The following DSCAM variants were observed in gnomAD, a reference collection of about 807,000 sequenced individuals.
DSCAM encodes DS cell adhesion molecule, also known as cell adhesion molecule DSCAM.
A neutral mutation model predicts 217.7 loss-of-function variants in DSCAM; 47 were observed. The observed-to-expected ratio is 0.22, with a 90% confidence interval of 0.17 to 0.28. The LOEUF is 0.28. DSCAM is among the 10% of genes least tolerant of loss of function. The pLI is 1.00. For missense variants in DSCAM, 2,080 were observed against 2,618.3 expected (o/e 0.79, Z 4.49); for synonymous variants, 1,056 against 1,015.3 (o/e 1.04, Z -0.76).
chr21:40,500,065 C>A (rs763129402), intron 3 of DSCAM, among the ~76,000 whole-genome samples: 1 of 152,106 alleles, frequency 6.6e-6, no homozygotes, highest in Non-Finnish European at 1.5e-5. Context: ...AGGCGTCAGG[C>A]GTGAGCCACT....
chr21:40,406,887 G>A (rs1476917021), intron 3 of DSCAM, among the ~76,000 whole-genome samples: 1 of 152,084 alleles, frequency 6.6e-6, no homozygotes, highest in Non-Finnish European at 1.5e-5. Context: ...CCAGAATTCT[G>A]GGATTACATA....
At chr21:40,578,981 G>T (rs1043012178) in intron 3 of DSCAM, among the ~76,000 whole-genome samples, 1 of 152,206 alleles carries the variant, frequency 6.6e-6, no homozygotes, top group Non-Finnish European at 1.5e-5. Context: ...GATGTAAATT[G>T]AAACCCACAT....
rs915604540 is a variant in DSCAM at position 40,296,297 on chromosome 21, G to A, written c.2063-123C>T. ...TATGAAGACTGTTTCATACACATGG[G>A]ACAATAAAAACACTATTGGCAGTTT... On this transcript the variant is annotated intron_variant, in intron 9 of 32. Transcript: ENST00000400454. 1.6e-5 allele frequency: 19 copies of A among 1,195,200 alleles called. No individual in the cohort carries two copies. The African/African-American group carries it at 3.0e-4, about 19-fold the overall frequency. The allele number at this position is 1,195,200 out of a possible 1,614,324, so 74.0% of individuals were successfully genotyped here. A position where few individuals can be genotyped will look rare whatever the true frequency, so the allele number is the denominator to read the frequency against.
At chr21:40,646,650 T>C (rs890168458) in intron 3 of DSCAM, among the ~76,000 whole-genome samples, 2 of 152,236 alleles carry the variant, frequency 1.3e-5, no homozygotes, top group African/African-American at 4.8e-5. Context: ...GAAGAGTGGC[T>C]GGCAGAAAGG....
intron 11 of DSCAM, among the ~76,000 whole-genome samples, chr21:40,256,404 C>CAGAG (rs148333628): frequency 0.018 from 2,603 of 147,658 alleles, 106 homozygotes; most frequent in East Asian, 0.12. Flanking sequence ...GAGAGACAGA[C>CAGAG]AGAGAGAGAG....
At chr21:40,592,635 C>G (rs754934658) in intron 3 of DSCAM, among the ~76,000 whole-genome samples, 13 of 152,132 alleles carry the variant, frequency 8.5e-5, no homozygotes, top group Admixed American at 2.0e-4. Context: ...CTTCTGGCTT[C>G]TTCCTTCACA....
intron 20 of DSCAM, among the ~76,000 whole-genome samples, chr21:40,103,891 A>G (rs1171851234): frequency 1.3e-5 from 2 of 151,646 alleles, no homozygotes; most frequent in African/African-American, 2.4e-5. Context: ...ACTATTGGCT[A>G]CTTTTAAAAA....
intron 1 of DSCAM, among the ~76,000 whole-genome samples, chr21:40,765,795 C>A (rs1489042416): frequency 2.6e-5 from 4 of 152,224 alleles, no homozygotes; most frequent in African/African-American, 9.6e-5. Context: ...ATTGCATGAT[C>A]AGCGATCAGT....
chr21:40,374,204 GA>G (rs1247976094), intron 3 of DSCAM, among the ~76,000 whole-genome samples: 4 of 152,020 alleles, frequency 2.6e-5, no homozygotes, highest in East Asian at 1.9e-4. Flanking sequence ...CTTTTCAATT[GA>G]AAAAAATATT....
chr21:40,045,644 T>C (rs185342645), intron 30 of DSCAM, among the ~76,000 whole-genome samples: 1 of 152,320 alleles, frequency 6.6e-6, no homozygotes, highest in East Asian at 1.9e-4. Flanking sequence ...TGGAGACAGC[T>C]TAAGGTCCTA....
At chr21:40,460,761 T>C (rs1042056577) in intron 3 of DSCAM, among the ~76,000 whole-genome samples, 1 of 152,206 alleles carries the variant, frequency 6.6e-6, no homozygotes, top group Non-Finnish European at 1.5e-5. Context: ...TGAAATGTTA[T>C]TCTCAACTGT....
chr21:40,133,661 A>C (rs2146690101), intron 19 of DSCAM, among the ~76,000 whole-genome samples, 193 bp downstream of exon 19: 1 of 152,320 alleles, frequency 6.6e-6, no homozygotes, highest in Admixed American at 6.5e-5. Context: ...AGGAAGAAGA[A>C]GCAATGGATT....
Position 40,369,175 on chromosome 21 carries a change from A to G in DSCAM, c.579T>C (p.Tyr193=). ...GATGCCGCGTGATGCAGCGGTAGTT[A>G]TACAATCCATCTTCATTCTGTACAT... ...IKDVQNEDGL[Y]NYRCITRHRY... The change falls in exon 4 of 33, where the codon TAT becomes TAC. Residue 193 remains tyrosine, a synonymous_variant. Coordinates refer to ENST00000400454, the MANE Select transcript of DSCAM (RefSeq NM_001389.5). 1 of 1,613,672 alleles carries G rather than the reference A, an allele frequency of 6.2e-7. No individual in the cohort carries two copies. Among genetic ancestry groups the G allele is most frequent in the Non-Finnish European group, 8.5e-7 (1 of 1,179,790 alleles).
intron 3 of DSCAM, among the ~76,000 whole-genome samples, chr21:40,488,534 T>C (rs1601683808): frequency 6.6e-6 from 1 of 152,052 alleles, no homozygotes; most frequent in African/African-American, 2.4e-5. Flanking sequence ...TCTGTCTCCG[T>C]GGGCACAGAG....
intron 3 of DSCAM, among the ~76,000 whole-genome samples, chr21:40,443,811 A>G (rs1228842250): frequency 6.6e-6 from 1 of 152,198 alleles, no homozygotes; most frequent in Non-Finnish European, 1.5e-5. Flanking sequence ...ATGAAATGAA[A>G]TATTTTAAAG....
chr21:40,071,201 A>G (rs1349602626), intron 27 of DSCAM, among the ~76,000 whole-genome samples: 2 of 152,214 alleles, frequency 1.3e-5, no homozygotes, highest in Non-Finnish European at 2.9e-5. Context: ...TGCACTTCAA[A>G]GGATCTAGAA....
intron 3 of DSCAM, among the ~76,000 whole-genome samples, chr21:40,467,328 GCACA>G (rs925179775): frequency 2.6e-4 from 40 of 152,112 alleles, no homozygotes; most frequent in Admixed American, 1.2e-3. Flanking sequence ...ACACACACAC[GCACA>G]CAAAGATTTA....
At chr21:40,274,854 T>C (rs758837159) in intron 11 of DSCAM, among the ~76,000 whole-genome samples, 4 of 152,188 alleles carry the variant, frequency 2.6e-5, no homozygotes, top group Non-Finnish European at 4.4e-5. Flanking sequence ...GTGGACTAAC[T>C]AAAATAAATT....
At chr21:40,352,912 T>C (rs1339285714) in intron 5 of DSCAM, among the ~76,000 whole-genome samples, 2 of 152,160 alleles carry the variant, frequency 1.3e-5, no homozygotes, top group Non-Finnish European at 2.9e-5. Flanking sequence ...CAATAGAAGA[T>C]CAAATAAATC....
Sources: gnomAD v4.1 joint callset for allele counts (sites outside exome capture counted in the v4.1 genomes callset) on GRCh38, gnomAD v4.1.1 for gene constraint, MANE v1.5 for transcripts, NCBI Gene and HGNC (gene_info 2026-07-23, HGNC 2026-07-21) for gene names.